Variants in FHL1 observed in about 807,000 individuals in gnomAD.
FHL1 encodes the protein four and a half LIM domains protein 1.
In FHL1, 1 loss-of-function variant was observed where a neutral mutation model predicts 20.3. The ratio of observed to expected loss-of-function variants is 0.05; its 90% CI spans 0.02 to 0.23. The LOEUF (loss-of-function observed/expected upper bound fraction) is 0.23. FHL1 is among the 10% of genes least tolerant of loss of function. FHL1 has a pLI of 1.00. For synonymous variants in FHL1, 82 were observed against 88.9 expected (o/e 0.92, Z 0.44); for missense variants, 177 against 234.0 (o/e 0.76, Z 1.59).
upstream of FHL1, among the ~76,000 whole-genome samples, chrX:136,196,282 G>A (rs2073553396): frequency 8.9e-6 from 1 of 112,045 alleles, no homozygotes; most frequent in Non-Finnish European, 1.9e-5. Context: ...CCTAGAACAT[G>A]CTCCTAATAG....
intron 2 of FHL1, among the ~76,000 whole-genome samples, chrX:136,173,029 G>A (rs1185088349): frequency 1.8e-5 from 2 of 112,549 alleles, no homozygotes; most frequent in African/African-American, 3.2e-5. Flanking sequence ...CACCATGCCC[G>A]GCCTATTTTG....
At chrX:136,154,211 C>T (rs1459364304) in intron 1 of FHL1, among the ~76,000 whole-genome samples, 3 of 112,317 alleles carry the variant, frequency 2.7e-5, no homozygotes, top group African/African-American at 9.7e-5. Flanking sequence ...CATGGCCTGA[C>T]CCTCAAAAGA....
chrX:136,172,216 A>G (rs1183568630), intron 2 of FHL1, among the ~76,000 whole-genome samples: 1 of 112,220 alleles, frequency 8.9e-6, no homozygotes, highest in Non-Finnish European at 1.9e-5. Context: ...TTCTGTTTCC[A>G]TGTAACAGAA....
chrX:136,150,352 C>T (rs992284768), intron 1 of FHL1, among the ~76,000 whole-genome samples: 5 of 111,931 alleles, frequency 4.5e-5, no homozygotes, highest in South Asian at 3.7e-4. Flanking sequence ...TTCCCTTCTT[C>T]CCCATGCCTC....
chrX:136,156,216 T>G (rs1476966859), intron 1 of FHL1, among the ~76,000 whole-genome samples: 2 of 111,729 alleles, frequency 1.8e-5, no homozygotes, highest in Non-Finnish European at 3.8e-5. Flanking sequence ...ATTTTACTGT[T>G]TCTTTTTACC....
At chrX:136,183,128 A>C (rs5929738) in intron 2 of FHL1, among the ~76,000 whole-genome samples, 44,759 of 108,381 alleles carry the variant, frequency 0.41, 6,899 homozygotes, top group East Asian at 0.46. Context: ...AACAAACAAA[A>C]AAAAAACAGA....
At chrX:136,164,968 T>C (rs1221846253), upstream of FHL1, among the ~76,000 whole-genome samples, 1 of 111,881 alleles carries the variant, frequency 8.9e-6, no homozygotes, top group African/African-American at 3.2e-5. Flanking sequence ...ACCCATCTTT[T>C]CCCAAACTGG....
intron 2 of FHL1, among the ~76,000 whole-genome samples, chrX:136,177,568 T>C (rs1000419246): frequency 5.3e-4 from 59 of 112,298 alleles, no homozygotes; most frequent in Middle Eastern, 4.6e-3. Flanking sequence ...TCTTTTCAGC[T>C]TCTCTAAGAA....
chrX:136,199,271 C>T lies in FHL1; in HGVS notation c.22+2137C>T, dbSNP rs1425392641. Among the ~76,000 whole-genome samples, 6 of 111,467 alleles carry T rather than the reference C, an allele frequency of 5.4e-5. No individual in the cohort carries two copies. The East Asian group carries it at 1.7e-3, about 31-fold the overall frequency. Reference sequence around the variant, plus strand: ...TTTTCTTTTAATAATCTATATCGAACCCTCCTGACACCCGATATAATCTAA... The same window carrying T: ...TTTTCTTTTAATAATCTATATCGAATCCTCCTGACACCCGATATAATCTAA... On this transcript the variant is annotated intron_variant, in intron 1 of 5. Transcript: ENST00000370683.
chrX:136,153,039 G>A (rs2072312712), intron 1 of FHL1, among the ~76,000 whole-genome samples: 1 of 111,888 alleles, frequency 8.9e-6, no homozygotes, highest in Non-Finnish European at 1.9e-5. Flanking sequence ...ACTTAGGAGT[G>A]ACAACATTTG....
chrX:136,164,278 C>T (rs886939731), intron 1 of FHL1, among the ~76,000 whole-genome samples: 2 of 108,034 alleles, frequency 1.9e-5, no homozygotes, highest in Non-Finnish European at 3.8e-5. Flanking sequence ...GCAATCTCGG[C>T]TCACTGCAAC....
At chrX:136,159,187 T>C (rs1347227449) in intron 1 of FHL1, among the ~76,000 whole-genome samples, 1 of 109,317 alleles carries the variant, frequency 9.1e-6, no homozygotes, top group East Asian at 2.9e-4. Context: ...TTCAAATGTA[T>C]GGGTTTCAGA....
In FHL1 at chrX:136,206,438, G is replaced by A. The variant is rs2073841429; in HGVS notation, c.54G>A (p.Ala18=). Residue 18 remains alanine, a synonymous_variant, in exon 2 of 6, where the codon GCG becomes GCA. Transcript: ENST00000370683. The part of the protein sequence containing the change: ...GPSSYKVGTM[A]EKFDCHYCRD... ...CCAGCTACAAGGTGGGCACCATGGC[G>A]GAGAAGTTTGACTGCCACTACTGCA... The A allele has an allele frequency of 7.4e-6, 9 of 1,212,299 alleles. No homozygotes were observed. Among genetic ancestry groups the A allele is most frequent in the Non-Finnish European group, 1.0e-5 (9 of 895,624 alleles).
chrX:136,202,390 A>G (rs887139972), intron 1 of FHL1, among the ~76,000 whole-genome samples: 2 of 109,954 alleles, frequency 1.8e-5, no homozygotes, highest in Admixed American at 1.9e-4. Context: ...GTAAAATGCT[A>G]TCTTCATTTT....
intron 1 of FHL1, among the ~76,000 whole-genome samples, chrX:136,156,005 C>A (rs1354979978): frequency 2.7e-5 from 3 of 110,292 alleles, no homozygotes; most frequent in African/African-American, 9.9e-5. Flanking sequence ...ACCGGCTCTC[C>A]ACAGCTTCCT....
chrX:136,156,363 A>T (rs773618644), intron 1 of FHL1, among the ~76,000 whole-genome samples: 2 of 106,881 alleles, frequency 1.9e-5, no homozygotes, highest in East Asian at 5.9e-4. Context: ...GCTCACTACA[A>T]CCTCTGCCTC....
chrX:136,182,792 A>C (rs183332813), intron 2 of FHL1: 1 of 112,369 alleles, frequency 8.9e-6, no homozygotes, highest in Admixed American at 9.4e-5. Context: ...GGTCCATGAA[A>C]ATTTAATGTA....
chrX:136,151,607 G>A (rs1349467011), intron 1 of FHL1, among the ~76,000 whole-genome samples: 2 of 112,156 alleles, frequency 1.8e-5, no homozygotes, highest in African/African-American at 6.5e-5. Flanking sequence ...CAGCTACTTG[G>A]GAGGCTGAGG....
chrX:136,170,524 A>T (rs2072835339), intron 2 of FHL1, among the ~76,000 whole-genome samples: 1 of 111,509 alleles, frequency 9.0e-6, no homozygotes, highest in African/African-American at 3.3e-5. Context: ...CAAGTTCAGA[A>T]CAACCTGTGG....
Sources: allele counts gnomAD v4.1 joint callset (sites outside exome capture counted in the v4.1 genomes callset), GRCh38; gene constraint gnomAD v4.1.1; transcripts MANE v1.5; gene names NCBI Gene and HGNC (gene_info 2026-07-23, HGNC 2026-07-21).